Variants in CDH12 observed in about 807,000 individuals in gnomAD.
CDH12 encodes cadherin-12.
A neutral mutation model predicts 74.1 loss-of-function variants in CDH12; 41 were observed. That is an observed-to-expected ratio of 0.55 (90% CI 0.43 to 0.72). The LOEUF is 0.72. Among genes scored for constraint, CDH12 ranks in the 30% least tolerant of loss-of-function variants. The probability of loss-of-function intolerance (pLI) is 0.00; values close to 1 mark genes in which losing one functional copy is unlikely to be tolerated. For missense variants in CDH12, 945 were observed against 977.2 expected (o/e 0.97, Z 0.44); for synonymous variants, 399 against 355.0 (o/e 1.12, Z -1.39).
rs111628640 is a variant in CDH12 at position 22,119,439 on chromosome 5, G to A, written c.-186-40577C>T. Among the ~76,000 whole-genome samples the A allele has an allele frequency of 8.4e-3, 1,283 of 151,970 alleles. 22 individuals are homozygous for A. Among genetic ancestry groups the A allele is most frequent in the African/African-American group, 0.03 (1,235 of 41,444 alleles). On this transcript the variant is annotated intron_variant, in intron 4 of 14. Coordinates refer to ENST00000382254, the MANE Select transcript of CDH12 (RefSeq NM_004061.5). ...CAAGTAGCTGGGATTACAGGTGCAT[G>A]CCACCATGCCAGGCTAATTTTTGTA...
intron 1 of CDH12, among the ~76,000 whole-genome samples, chr5:22,679,308 C>T (rs1199398941): frequency 6.6e-6 from 1 of 152,112 alleles, no homozygotes; most frequent in Non-Finnish European, 1.5e-5. Flanking sequence ...TGAAATCTCA[C>T]ACTTTCAAAA....
intron 1 of CDH12, among the ~76,000 whole-genome samples, chr5:22,631,293 C>T (rs935495544): frequency 6.6e-6 from 1 of 151,968 alleles, no homozygotes; most frequent in African/African-American, 2.4e-5. Context: ...GGGTATATAC[C>T]CAAAGGAAGA....
At chr5:22,359,074 T>C (rs963780967) in intron 3 of CDH12, among the ~76,000 whole-genome samples, 2 of 152,016 alleles carry the variant, frequency 1.3e-5, no homozygotes, top group Non-Finnish European at 2.9e-5. Context: ...AATTCAAACA[T>C]AACAATATTA....
intron 7 of CDH12, among the ~76,000 whole-genome samples, chr5:21,842,948 C>T (rs1309538312): frequency 6.6e-6 from 1 of 152,074 alleles, no homozygotes; most frequent in Non-Finnish European, 1.5e-5. Flanking sequence ...ACCAATTAAC[C>T]GAATGAGTGA....
At chr5:22,358,400 G>A (rs928190906) in intron 3 of CDH12, among the ~76,000 whole-genome samples, 9 of 151,934 alleles carry the variant, frequency 5.9e-5, no homozygotes, top group Admixed American at 5.9e-4. Flanking sequence ...AAGATAGAGC[G>A]AGACTCTGTC....
At chr5:21,794,907 A>T (rs1307418845) in intron 10 of CDH12, among the ~76,000 whole-genome samples, 1 of 151,564 alleles carries the variant, frequency 6.6e-6, no homozygotes, top group Non-Finnish European at 1.5e-5. Context: ...TTCTCATTTT[A>T]CATTTTATTA....
chr5:21,979,187 A>G (rs1313224608), intron 5 of CDH12, among the ~76,000 whole-genome samples: 2 of 152,202 alleles, frequency 1.3e-5, no homozygotes, highest in Admixed American at 1.3e-4. Context: ...TCTTCTTCCA[A>G]TTATTAAAAA....
intron 1 of CDH12, among the ~76,000 whole-genome samples, chr5:22,512,777 T>A (rs1315330430): frequency 1.3e-5 from 2 of 152,150 alleles, no homozygotes; most frequent in Non-Finnish European, 2.9e-5. Context: ...TCAAAAATAA[T>A]CCCTGCTGGG....
intron 11 of CDH12, among the ~76,000 whole-genome samples, chr5:21,778,960 T>G (rs1011679568): frequency 6.6e-6 from 1 of 152,158 alleles, no homozygotes; most frequent in Non-Finnish European, 1.5e-5. Context: ...AAATTAATTA[T>G]CTAACAACTT....
intron 3 of CDH12, among the ~76,000 whole-genome samples, chr5:22,365,723 T>C (rs1192309972): frequency 2.0e-5 from 3 of 152,208 alleles, no homozygotes; most frequent in Non-Finnish European, 2.9e-5. Context: ...GTAGCTATTG[T>C]TTTGAACGAC....
At chr5:22,290,094 G>A (rs966469589) in intron 3 of CDH12, among the ~76,000 whole-genome samples, 9 of 152,078 alleles carry the variant, frequency 5.9e-5, no homozygotes, top group Non-Finnish European at 1.0e-4. Context: ...GGCCAGCCAC[G>A]TCTATCGTAG....
At chr5:22,326,780 C>T (rs1049065213) in intron 3 of CDH12, among the ~76,000 whole-genome samples, 1 of 152,120 alleles carries the variant, frequency 6.6e-6, no homozygotes, top group Non-Finnish European at 1.5e-5. Context: ...ACCATTTTCA[C>T]TGATAATGAT....
intron 3 of CDH12, among the ~76,000 whole-genome samples, chr5:22,396,053 C>G (rs999660109): frequency 2.2e-5 from 3 of 139,172 alleles, no homozygotes; most frequent in African/African-American, 7.7e-5. Context: ...TGATTGAATC[C>G]TTGATTTATA....
At chr5:22,141,661 G>A (rs1746803785) in intron 4 of CDH12, among the ~76,000 whole-genome samples, 1 of 151,986 alleles carries the variant, frequency 6.6e-6, no homozygotes, top group Admixed American at 6.6e-5. Context: ...AGAACATGAT[G>A]GTGGACTTGG....
intron 3 of CDH12, among the ~76,000 whole-genome samples, chr5:22,326,448 G>A (rs1030203754): frequency 7.9e-5 from 12 of 152,162 alleles, no homozygotes; most frequent in Non-Finnish European, 1.2e-4. Context: ...TGTTAGTCGG[G>A]ATGGTCTTGA....
chr5:21,823,105 C>G (rs1046925035), intron 8 of CDH12, among the ~76,000 whole-genome samples: 3 of 151,982 alleles, frequency 2.0e-5, no homozygotes, highest in Admixed American at 1.3e-4. Context: ...AACAAAAAGA[C>G]AAGTGTTTTT....
intron 6 of CDH12, chr5:21,882,561 G>A (rs934006115): frequency 1.0e-5 from 14 of 1,373,296 alleles, no homozygotes; most frequent in Middle Eastern, 1.8e-4. Context: ...CTCGCCGCGC[G>A]CATGCCCTGC....
At chr5:22,615,865 G>C (rs1484294408) in intron 1 of CDH12, among the ~76,000 whole-genome samples, 1 of 151,456 alleles carries the variant, frequency 6.6e-6, no homozygotes, top group South Asian at 2.1e-4. Flanking sequence ...AAGCTTTGAG[G>C]GGGTAGATCA....
chr5:22,461,030 C>CTTTTTTT (rs34555692), intron 2 of CDH12, among the ~76,000 whole-genome samples: 4 of 63,564 alleles, frequency 6.3e-5, no homozygotes, highest in Non-Finnish European at 8.4e-5. Flanking sequence ...CAATGTCTAG[C>CTTTTTTT]TTTTTTTTTT....
Sources: gnomAD v4.1 joint callset for allele counts (sites outside exome capture counted in the v4.1 genomes callset) on GRCh38, gnomAD v4.1.1 for gene constraint, MANE v1.5 for transcripts, NCBI Gene and HGNC (gene_info 2026-07-23, HGNC 2026-07-21) for gene names.